Variants in ACTR6 observed in about 807,000 individuals in gnomAD.
ACTR6 encodes actin-related protein 6.
Under a neutral mutation model 52.5 loss-of-function variants are expected in ACTR6, and 50 were observed. That is an observed-to-expected ratio of 0.95 (90% CI 0.76 to 1.20). ACTR6 has a LOEUF of 1.20. ACTR6 is among the 50% of genes most tolerant of loss of function. ACTR6 has a pLI of 0.00. For missense variants in ACTR6, 344 were observed against 472.4 expected (o/e 0.73, Z 2.52); for synonymous variants, 135 against 147.2 (o/e 0.92, Z 0.60).
chr12:100,210,923 A>T (rs542378113), intron 6 of ACTR6, among the ~76,000 whole-genome samples: 1 of 152,100 alleles, frequency 6.6e-6, no homozygotes, highest in African/African-American at 2.4e-5. Flanking sequence ...TGTGTCGCTG[A>T]CCCCTGGCAA....
At chr12:100,222,257 G>GTTTTTTTT in intron 10 of ACTR6, among the ~76,000 whole-genome samples, 1 of 123,454 alleles carries the variant, frequency 8.1e-6, no homozygotes, top group Non-Finnish European at 1.7e-5. Context: ...CTGGCTTTGG[G>GTTTTTTTT]TTTTTTTTTT....
intron 6 of ACTR6, 141 bp downstream of exon 6, chr12:100,210,492 G>A (rs1484763795): frequency 2.3e-6 from 2 of 876,168 alleles, no homozygotes; most frequent in East Asian, 2.7e-5. Flanking sequence ...GCCGAGGTGG[G>A]TGCATCACTT....
rs906016902 is a variant in ACTR6 at position 100,202,022 on chromosome 12, C to T, written c.68+1103C>T. On this transcript the variant is annotated intron_variant, in intron 1 of 10. Coordinates refer to ENST00000188312, the MANE Select transcript of ACTR6 (RefSeq NM_022496.5). ...TCTCGGCTCGCTGCAACCTCTGCCT[C>T]CCGGGTTCAAGCCATTCTCATGCCT... Among the ~76,000 whole-genome samples, 183 of 151,890 alleles carry T rather than the reference C, an allele frequency of 1.2e-3. 1 individual carries two copies. Among genetic ancestry groups the T allele is most frequent in the African/African-American group, 4.0e-3 (165 of 41,422 alleles).
At chr12:100,212,124 T>A in intron 6 of ACTR6, 132 bp from the exon 7 acceptor site, 1 of 613,488 alleles carries the variant, frequency 1.6e-6, no homozygotes, top group Non-Finnish European at 2.8e-6. Context: ...TTAAAATTAT[T>A]TTACACATTC....
intron 8 of ACTR6, among the ~76,000 whole-genome samples, chr12:100,215,027 A>G (rs1446606521): frequency 6.6e-6 from 1 of 152,172 alleles, no homozygotes; most frequent in African/African-American, 2.4e-5. Flanking sequence ...TGGAAATTTT[A>G]TGGTACTCTA....
Position 100,210,103 on chromosome 12 carries a change from G to A in ACTR6, c.410G>A (p.Arg137Gln), listed in dbSNP as rs1328336384. ...GCTCTCAGTGCACATAGGTATTTCC[G>A]AGATAATCCTTCCGAATTATGCTGT... is the stretch of plus-strand genomic sequence containing the variant. The part of the protein sequence containing the change: ...AGALSAHRYF[R>Q]DNPSELCCII... The change falls in exon 5 of 11, where the codon CGA becomes CAA. Residue 137 changes from arginine (R) to glutamine (Q), a missense_variant. Physicochemically the swap from Arg to Gln is conservative, Grantham distance 43. Coordinates refer to ENST00000188312, the MANE Select transcript of ACTR6 (RefSeq NM_022496.5). 7 of 1,607,260 alleles carry A rather than the reference G, an allele frequency of 4.4e-6. No individual in the cohort carries two copies. Among genetic ancestry groups the A allele is most frequent in the African/African-American group, 4.0e-5 (3 of 74,348 alleles).
intron 9 of ACTR6, among the ~76,000 whole-genome samples, chr12:100,219,368 G>A (rs1398067547): frequency 6.6e-6 from 1 of 152,142 alleles, no homozygotes; most frequent in Non-Finnish European, 1.5e-5. Context: ...CATTAGGTGG[G>A]ACGGCCCATA....
At chr12:100,208,901 C>G (rs912823222) in intron 4 of ACTR6, 5 of 389,264 alleles carry the variant, frequency 1.3e-5, no homozygotes, top group South Asian at 1.9e-5. Flanking sequence ...TATGTGCTGC[C>G]ACATCTGGCT....
chr12:100,222,102 A>G (rs2096128812), intron 10 of ACTR6, among the ~76,000 whole-genome samples: 2 of 151,874 alleles, frequency 1.3e-5, no homozygotes, highest in Admixed American at 1.3e-4. Context: ...CTACAGGTAC[A>G]TGCCATCATG....
intron 1 of ACTR6, among the ~76,000 whole-genome samples, chr12:100,202,553 G>A (rs1314460689): frequency 6.6e-6 from 1 of 152,028 alleles, no homozygotes; most frequent in Non-Finnish European, 1.5e-5. Flanking sequence ...GCATACATGT[G>A]TGTATAATTA....
intron 8 of ACTR6, among the ~76,000 whole-genome samples, chr12:100,214,489 C>A (rs1006087759): frequency 2.7e-5 from 4 of 150,368 alleles, no homozygotes; most frequent in Admixed American, 1.3e-4. Flanking sequence ...CCTATAATCC[C>A]AGCATTTTGG....
At chr12:100,211,680 C>A (rs2096120009) in intron 6 of ACTR6, among the ~76,000 whole-genome samples, 1 of 151,972 alleles carries the variant, frequency 6.6e-6, no homozygotes, top group Non-Finnish European at 1.5e-5. Flanking sequence ...ACTGGGATGG[C>A]CACACCCAGT....
intron 8 of ACTR6, among the ~76,000 whole-genome samples, chr12:100,214,518 T>C (rs991224416): frequency 6.6e-6 from 1 of 151,180 alleles, no homozygotes; most frequent in Non-Finnish European, 1.5e-5. Context: ...AGTGGGAGGA[T>C]TGTTTGAGAC....
intron 2 of ACTR6, chr12:100,205,313 A>C: frequency 3.1e-6 from 1 of 325,260 alleles, no homozygotes. Flanking sequence ...AGGCAACTGT[A>C]TATATTGGTG....
chr12:100,213,006 CAAAAA>C (rs60253803), intron 8 of ACTR6, among the ~76,000 whole-genome samples: 4 of 66,718 alleles, frequency 6.0e-5, no homozygotes, highest in Non-Finnish European at 6.4e-5. Flanking sequence ...GACTCTGTCT[CAAAAA>C]AAAAAAAAAA....
intron 10 of ACTR6, among the ~76,000 whole-genome samples, chr12:100,222,337 A>G (rs1393529814): frequency 2.1e-5 from 3 of 142,370 alleles, no homozygotes; most frequent in African/African-American, 8.0e-5. Context: ...GGCTCACTGC[A>G]CCCTTGACCT....
chr12:100,222,880 C>T (rs2096129429), intron 10 of ACTR6, among the ~76,000 whole-genome samples: 1 of 152,152 alleles, frequency 6.6e-6, no homozygotes, highest in Admixed American at 6.5e-5. Context: ...TGTCTTCCCA[C>T]ATAATTGTTT....
chr12:100,216,405 A>G (rs541469066), intron 8 of ACTR6, among the ~76,000 whole-genome samples: 3 of 152,338 alleles, frequency 2.0e-5, no homozygotes, highest in African/African-American at 4.8e-5. Flanking sequence ...GGCCCAAGTG[A>G]TCCTCCCGCT....
chr12:100,201,010 C>CTTG (rs2096109213), intron 1 of ACTR6, 91 bp downstream of exon 1: 2 of 1,600,268 alleles, frequency 1.2e-6, no homozygotes, highest in Non-Finnish European at 1.7e-6. Flanking sequence ...GAACTGCAGA[C>CTTG]ACCCCCGCGC....
Sources: allele counts gnomAD v4.1 joint callset (sites outside exome capture counted in the v4.1 genomes callset), GRCh38; gene constraint gnomAD v4.1.1; transcripts MANE v1.5; gene names NCBI Gene and HGNC (gene_info 2026-07-23, HGNC 2026-07-21).